SMG9: variants seen among roughly 807,000 people sequenced by gnomAD.
SMG9 encodes SMG9 nonsense mediated mRNA decay factor, also known as nonsense-mediated mRNA decay factor SMG9.
SMG9 carries 55 observed loss-of-function variants against 64.0 expected under a neutral mutation model. The observed-to-expected ratio is 0.86, with a 90% CI of 0.69 to 1.08. The LOEUF (loss-of-function observed/expected upper bound fraction) is 1.08, where lower values mean the gene tolerates loss of function less well. Among genes scored for constraint, SMG9 ranks in the 50% least tolerant of loss-of-function variants. The probability of loss-of-function intolerance (pLI) is 0.00; values close to 1 mark genes in which losing one functional copy is unlikely to be tolerated. For synonymous variants in SMG9, 244 were observed against 254.8 expected (o/e 0.96, Z 0.41); for missense variants, 554 against 681.3 (o/e 0.81, Z 2.08).
chr19:43,743,022 C>G (rs969232918), intron 6 of SMG9, among the ~76,000 whole-genome samples: 2 of 151,830 alleles, frequency 1.3e-5, no homozygotes, highest in African/African-American at 4.8e-5. Context: ...TTGTGTTAAG[C>G]TGAAATTGTG....
chr19:43,742,571 A>G (rs1176032192), intron 6 of SMG9, among the ~76,000 whole-genome samples: 3 of 152,246 alleles, frequency 2.0e-5, no homozygotes, highest in East Asian at 1.9e-4. Context: ...CTATTAAAAT[A>G]TAAGTCCCAC....
rs1276099012 is a variant in SMG9 at position 43,737,683 on chromosome 19, CTG to C, written c.910-3_910-2del. The C allele has an allele frequency of 6.2e-7, 1 of 1,613,828 alleles. No individual in the cohort carries two copies. The highest frequency in any genetic ancestry group is 1.3e-5 in the African/African-American group (1 of 75,026). The stretch of plus-strand genomic sequence containing the variant: ...AAAGGAAGGCAGCAATCTGGAGTGA[CTG>C]AGGGTGGGCAGGATGGAAGGGAGGT... On this transcript the variant is annotated splice_acceptor_variant and splice_polypyrimidine_tract_variant and intron_variant, in intron 8 of 13. Transcript: ENST00000270066. LOFTEE classifies it high-confidence loss of function.
chr19:43,733,327 C>G lies in SMG9; in HGVS notation c.1336G>C (p.Ala446Pro), dbSNP rs1238254770. The G allele has an allele frequency of 1.2e-6, 2 of 1,613,850 alleles. No homozygotes were observed. Among genetic ancestry groups the G allele is most frequent in the Non-Finnish European group, 1.7e-6 (2 of 1,179,956 alleles). The change falls in exon 12 of 14, where the codon GCA (alanine) becomes CCA (proline). Residue 446 changes from alanine to proline, a missense_variant. By Grantham distance (27) the Ala-to-Pro change is conservative. Transcript: ENST00000270066. ...AACCTGTTGAGGGTAACTGTACCTG[C>G]TCTTGGTGGGTTTTCACTCTCTGCT... ...SEAESENPPR[A>P]GPGSSPLFSL...
chr19:43,750,190 C>T, intron 2 of SMG9: 1 of 525,686 alleles, frequency 1.9e-6, no homozygotes, highest in Non-Finnish European at 3.8e-6. Context: ...TGATTTGGCC[C>T]CAGTTACTTG....
chr19:43,731,055 G>A lies in SMG9; in HGVS notation c.*541C>T. ...CCCCTTCTAGGGACTTCTTAGCAGA[G>A]ACTGATCTCCATCTGCCCGCAAGGG... On this transcript the variant is annotated 3_prime_UTR_variant, in exon 14 of 14. Coordinates refer to ENST00000270066, the MANE Select transcript of SMG9 (RefSeq NM_019108.4). 1.1e-6 allele frequency: 1 copy of A among 926,074 alleles called. No individual in the cohort carries two copies. 57.4% of individuals were successfully genotyped at this position (926,074 alleles called of 1,614,324 possible). A position where few individuals can be genotyped will look rare whatever the true frequency, so the allele number is the denominator to read the frequency against.
intron 2 of SMG9, among the ~76,000 whole-genome samples, chr19:43,749,698 A>G (rs568565952): frequency 6.6e-6 from 1 of 152,338 alleles, no homozygotes; most frequent in East Asian, 1.9e-4. Context: ...TAGAGAAAAA[A>G]GCCCAGGGGG....
chr19:43,747,379 G>A (rs1204043321), intron 5 of SMG9, 63 bp downstream of exon 5: 1 of 1,528,926 alleles, frequency 6.5e-7, no homozygotes, highest in Non-Finnish European at 9.0e-7. Context: ...TGCCTACAGA[G>A]AGGTGGAAGA....
At chr19:43,733,196 AC>A in intron 12 of SMG9, 127 bp downstream of exon 12, 3 of 1,398,852 alleles carry the variant, frequency 2.1e-6, no homozygotes, top group Non-Finnish European at 2.9e-6. Context: ...CTTCTCTCAG[AC>A]CAGGTAGGCT....
chr19:43,731,497 G>A lies in SMG9; in HGVS notation c.*99C>T. 1.3e-6 allele frequency: 2 copies of A among 1,566,358 alleles called. No homozygotes were observed. The highest frequency in any genetic ancestry group is 1.8e-5 in the Admixed American group (1 of 55,038). ...CCACGATCCCTCATCCATCAGGCCT[G>A]CTGCCGCTCTCCACCCCAGCGGGGG... On this transcript the variant is annotated 3_prime_UTR_variant, in exon 14 of 14. Coordinates refer to ENST00000270066, the MANE Select transcript of SMG9 (RefSeq NM_019108.4).
intron 5 of SMG9, among the ~76,000 whole-genome samples, chr19:43,746,892 GCT>G (rs997589769): frequency 6.6e-6 from 1 of 151,310 alleles, no homozygotes; most frequent in Non-Finnish European, 1.5e-5. Context: ...CATGATCACA[GCT>G]CTCTGCAGCC....
At position 43,733,337 on chromosome 19, in the gene SMG9, G is replaced by C; in HGVS notation, c.1326C>G (p.Asn442Lys). The C allele has an allele frequency of 1.2e-6, 2 of 1,614,024 alleles. No homozygotes were observed. The highest frequency in any genetic ancestry group is 1.7e-6 in the Non-Finnish European group (2 of 1,180,012). Residue 442 changes from asparagine to lysine, a missense_variant, in exon 12 of 14, where the codon AAC (asparagine) becomes AAG (lysine). Physicochemically the swap from Asn to Lys is moderately conservative, Grantham distance 94. Coordinates refer to ENST00000270066, the MANE Select transcript of SMG9 (RefSeq NM_019108.4). ...GGGTAACTGTACCTGCTCTTGGTGG[G>C]TTTTCACTCTCTGCTTCACTGTCCA... The part of the protein sequence containing the change: ...PFMDSEAESE[N>K]PPRAGPGSSP...
chr19:43,734,258 A>C, intron 10 of SMG9, 131 bp downstream of exon 10: 1 of 700,318 alleles, frequency 1.4e-6, no homozygotes. Context: ...TTTGCTCCTC[A>C]CAACTCTCAA....
At chr19:43,750,774 G>A in intron 1 of SMG9, 27 bp from the exon 2 acceptor site, 1 of 1,585,852 alleles carries the variant, frequency 6.3e-7, no homozygotes, top group Non-Finnish European at 8.6e-7. Context: ...GGGATTTCAG[G>A]ATGACAGAGT....
rs774597652 is a variant in SMG9 at position 43,737,581 on chromosome 19, C to A, written c.995+16G>T. 5 of 1,609,324 alleles carry A rather than the reference C, an allele frequency of 3.1e-6. No homozygotes were observed. The highest frequency in any genetic ancestry group is 4.2e-6 in the Non-Finnish European group (5 of 1,177,252). Reference sequence around the variant, plus strand: ...CTCATTCCTCCTCCCCACCCTCCAACCCCTCAGCTCCTCACCTGTAGAGAC... The same window carrying A: ...CTCATTCCTCCTCCCCACCCTCCAAACCCTCAGCTCCTCACCTGTAGAGAC... On this transcript the variant is annotated intron_variant, in intron 9 of 13. Transcript: ENST00000270066.
At chr19:43,749,096 G>A (rs1969115083) in intron 2 of SMG9, among the ~76,000 whole-genome samples, 1 of 152,206 alleles carries the variant, frequency 6.6e-6, no homozygotes, top group African/African-American at 2.4e-5. Context: ...TCCCTTAAAT[G>A]TCACGTTGGT....
In SMG9 at chr19:43,730,106, G is replaced by C. The variant is rs1199667406; in HGVS notation, c.*1490C>G. 1 of 152,210 alleles carries C rather than the reference G, an allele frequency of 6.6e-6. No homozygotes were observed. Among genetic ancestry groups the C allele is most frequent in the Non-Finnish European group, 1.5e-5 (1 of 68,074 alleles). 9.4% of individuals were successfully genotyped at this position (152,210 alleles called of 1,614,324 possible). ...TGGATCCCCATGGTATGAAACACCAGGGCTGTATGGGATGCTTGAAAGCAG... is the reference window on the plus strand; with the variant it reads ...TGGATCCCCATGGTATGAAACACCACGGCTGTATGGGATGCTTGAAAGCAG... On this transcript the variant is annotated 3_prime_UTR_variant, in exon 14 of 14. Transcript: ENST00000270066.
At chr19:43,741,427 TAC>T (rs1334457092) in intron 6 of SMG9, among the ~76,000 whole-genome samples, 2 of 152,138 alleles carry the variant, frequency 1.3e-5, no homozygotes, top group Non-Finnish European at 2.9e-5. Context: ...AAGAAGAGGA[TAC>T]ACAGACCCTT....
At position 43,729,144 on chromosome 19, in the gene SMG9, G is replaced by A. The variant is rs558748385; in HGVS notation, c.*2452C>T. 114 of 576,692 alleles carry A rather than the reference G, an allele frequency of 2.0e-4. 2 individuals are homozygous for A. The South Asian group carries it at 4.5e-3, about 23-fold the overall frequency. 35.7% of individuals were successfully genotyped at this position (576,692 alleles called of 1,614,324 possible). On this transcript the variant is annotated 3_prime_UTR_variant, in exon 14 of 14. Transcript: ENST00000270066. ...GACTCCTCTGTCAAACTGCCTCAAC[G>A]AGCCAGCCCCTGCACAAAACCCTGG...
In SMG9 at chr19:43,744,909, C is replaced by CT. The variant is rs772342223; in HGVS notation, c.589-26dup. 5.1e-6 allele frequency: 8 copies of CT among 1,575,258 alleles called. No homozygotes were observed. The South Asian group carries it at 6.7e-5, about 13-fold the overall frequency. Reference sequence around the variant, plus strand: ...ACTGTGGGAAAATACATAAATGACTCTGACAAGTCTGTCAGCTGCTGGAGC... The same window carrying CT: ...ACTGTGGGAAAATACATAAATGACTCTTGACAAGTCTGTCAGCTGCTGGAGC... On this transcript the variant is annotated intron_variant, in intron 5 of 13. Transcript: ENST00000270066.
Sources: gnomAD v4.1 joint callset for allele counts (sites outside exome capture counted in the v4.1 genomes callset) on GRCh38, gnomAD v4.1.1 for gene constraint, MANE v1.5 for transcripts, NCBI Gene and HGNC (gene_info 2026-07-23, HGNC 2026-07-21) for gene names.